Variants in SIK2 observed in about 807,000 individuals in gnomAD.
SIK2 encodes the protein serine/threonine-protein kinase SIK2.
SIK2 carries 29 observed loss-of-function variants against 103.2 expected under a neutral mutation model. The observed-to-expected ratio is 0.28, with a 90% CI of 0.21 to 0.38. The LOEUF (loss-of-function observed/expected upper bound fraction) is 0.38. Ranked by LOEUF, SIK2 falls within the 10% of genes least tolerant of loss-of-function variation. SIK2 has a pLI of 1.00. For synonymous variants in SIK2, 412 were observed against 446.1 expected (o/e 0.92, Z 0.96); for missense variants, 879 against 1,171.0 (o/e 0.75, Z 3.64).
Position 111,727,419 on chromosome 11 carries a change from G to A in SIK2, c.*3290G>A, listed in dbSNP as rs1944009298. 1 of 255,138 alleles carries A rather than the reference G, an allele frequency of 3.9e-6. No individual in the cohort carries two copies. The highest frequency in any genetic ancestry group is 7.6e-6 in the Non-Finnish European group (1 of 131,276). 15.8% of individuals were successfully genotyped at this position (255,138 alleles called of 1,614,324 possible). ...AACCGTATGCTGGAGTCAGTGGTTG[G>A]GACAGACAGGAGCCCAAGACTGAAG... On this transcript the variant is annotated 3_prime_UTR_variant, in exon 15 of 15. Transcript: ENST00000304987.
rs1290046660 is a variant in SIK2, at chr11:111,706,875, G to A, written c.1101+1736G>A. On this transcript the variant is annotated intron_variant, in intron 8 of 14. Transcript: ENST00000304987. ...CTTGGGAGGCTGAGGCAGGAGAATC[G>A]CTTGAACCTGGGAGGCAGAGGTTGA... Among the ~76,000 whole-genome samples, 4 of 150,024 alleles carry A rather than the reference G, an allele frequency of 2.7e-5. No homozygotes were observed. In the East Asian group the frequency reaches 7.9e-4, roughly 30 times the overall value.
chr11:111,634,488 G>T (rs1489475242), intron 3 of SIK2, among the ~76,000 whole-genome samples: 1 of 151,922 alleles, frequency 6.6e-6, no homozygotes, highest in Non-Finnish European at 1.5e-5. Context: ...CAGCGTCCCA[G>T]GTCAGTATTG....
rs1219629432 is a variant in SIK2 at position 111,720,577 on chromosome 11, A to G, written c.1595A>G (p.Asn532Ser). 9 of 1,613,912 alleles carry G rather than the reference A, an allele frequency of 5.6e-6. No individual in the cohort carries two copies. The highest frequency in any genetic ancestry group is 6.8e-6 in the Non-Finnish European group (8 of 1,180,014). The change falls in exon 11 of 15, where the codon AAC becomes AGC. Residue 532 changes from asparagine to serine, a missense_variant. This residue lies in a region of SIK2 where 222 missense variants were observed against 258.0 expected (regional missense o/e 0.86). Coordinates refer to ENST00000304987, the MANE Select transcript of SIK2 (RefSeq NM_015191.3). The part of the protein sequence containing the change: ...VQRDLNFLED[N>S]PSLKDIMLAN... ...AGGGACCTGAACTTTCTGGAAGACA[A>G]CCCTTCCCTTAAGGACATCATGTTA...
intron 3 of SIK2, among the ~76,000 whole-genome samples, chr11:111,682,208 C>T (rs1942786692): frequency 6.6e-6 from 1 of 152,120 alleles, no homozygotes; most frequent in African/African-American, 2.4e-5. Flanking sequence ...AGATATTAAG[C>T]CTGAATCTAT....
chr11:111,613,726 A>G (rs2135833664), intron 1 of SIK2, among the ~76,000 whole-genome samples: 1 of 152,282 alleles, frequency 6.6e-6, no homozygotes, highest in Middle Eastern at 3.4e-3. Context: ...AACACCACCA[A>G]ACATAATGAA....
intron 4 of SIK2, among the ~76,000 whole-genome samples, chr11:111,694,391 T>C (rs1400338600): frequency 6.6e-6 from 1 of 152,178 alleles, no homozygotes; most frequent in Non-Finnish European, 1.5e-5. Flanking sequence ...GCCTGATTAA[T>C]CTGACCTGTA....
chr11:111,695,470 T>A (rs952455202), intron 4 of SIK2, among the ~76,000 whole-genome samples: 2 of 152,226 alleles, frequency 1.3e-5, no homozygotes, highest in Non-Finnish European at 2.9e-5. Context: ...AATCTCCTAT[T>A]TAAATAAAAA....
In SIK2 at chr11:111,712,262, C is replaced by G. The variant is rs573163507; in HGVS notation, c.1153C>G (p.Leu385Val). The G allele has an allele frequency of 6.2e-7, 1 of 1,614,110 alleles. No individual in the cohort carries two copies. The highest frequency in any genetic ancestry group is 1.3e-5 in the African/African-American group (1 of 74,936). ...CATGCATTCACCGAACATGAGGCTG[C>G]TGCGATCTGCCCTCCTCCCCCAGGC... ...VTMHSPNMRL[L>V]RSALLPQASN... Residue 385 changes from leucine to valine, a missense_variant, in exon 9 of 15, where the codon CTG (leucine) becomes GTG (valine). Leu to Val is a conservative substitution (Grantham distance 32). Transcript: ENST00000304987.
chr11:111,720,398 C>G, intron 10 of SIK2, 80 bp from the exon 11 acceptor site: 1 of 1,404,036 alleles, frequency 7.1e-7, no homozygotes, highest in Non-Finnish European at 9.6e-7. Flanking sequence ...TGTCAAAACT[C>G]AAGCTGGTTA....
intron 3 of SIK2, among the ~76,000 whole-genome samples, chr11:111,624,872 C>G (rs1359339645): frequency 6.6e-6 from 1 of 151,828 alleles, no homozygotes; most frequent in African/African-American, 2.4e-5. Context: ...TCAGAGAAGG[C>G]CTCGCTGGCA....
intron 3 of SIK2, among the ~76,000 whole-genome samples, chr11:111,658,527 G>A (rs975412731): frequency 6.6e-6 from 1 of 152,170 alleles, no homozygotes; most frequent in Admixed American, 6.5e-5. Context: ...CAAATCACTT[G>A]AGCCTAGGAG....
chr11:111,698,726 GAA>G (rs1943139574), intron 4 of SIK2, among the ~76,000 whole-genome samples: 1 of 152,130 alleles, frequency 6.6e-6, no homozygotes, highest in Non-Finnish European at 1.5e-5. Flanking sequence ...AGAAAAGAAA[GAA>G]AGAAAAACAA....
At chr11:111,659,583 T>C (rs1358729929) in intron 3 of SIK2, among the ~76,000 whole-genome samples, 1 of 151,220 alleles carries the variant, frequency 6.6e-6, no homozygotes, top group Non-Finnish European at 1.5e-5. Flanking sequence ...GCTTCCTCCG[T>C]CGCTTATTCC....
chr11:111,640,820 C>T (rs994954438), intron 3 of SIK2, among the ~76,000 whole-genome samples: 1 of 147,828 alleles, frequency 6.8e-6, no homozygotes, highest in Non-Finnish European at 1.5e-5. Context: ...CTGCAAGCTC[C>T]GCCTCCCGGG....
At chr11:111,709,269 C>T (rs1052586389) in intron 8 of SIK2, among the ~76,000 whole-genome samples, 9 of 152,240 alleles carry the variant, frequency 5.9e-5, no homozygotes, top group African/African-American at 1.9e-4. Flanking sequence ...TAAGGATACC[C>T]GCTGTGTGGG....
At chr11:111,644,414 T>A (rs1157152567) in intron 3 of SIK2, among the ~76,000 whole-genome samples, 1 of 151,904 alleles carries the variant, frequency 6.6e-6, no homozygotes, top group East Asian at 1.9e-4. Flanking sequence ...TTTTTTCAAA[T>A]GTAAAATTTG....
intron 2 of SIK2, among the ~76,000 whole-genome samples, chr11:111,616,694 A>G (rs1941811225): frequency 6.6e-6 from 1 of 151,986 alleles, no homozygotes; most frequent in African/African-American, 2.4e-5. Flanking sequence ...ATATATACAA[A>G]TATTAGCCTG....
At chr11:111,674,154 G>A (rs556589403) in intron 3 of SIK2, among the ~76,000 whole-genome samples, 8 of 152,080 alleles carry the variant, frequency 5.3e-5, no homozygotes, top group African/African-American at 1.9e-4. Flanking sequence ...AGACTAAGGT[G>A]ATGGCCCAGG....
chr11:111,626,655 G>T (rs1186232338), intron 3 of SIK2, among the ~76,000 whole-genome samples: 1 of 148,704 alleles, frequency 6.7e-6, no homozygotes, highest in African/African-American at 2.5e-5. Flanking sequence ...AATCACAAAC[G>T]TAATCATGTT....
Sources: gnomAD v4.1 joint callset for allele counts (sites outside exome capture counted in the v4.1 genomes callset) on GRCh38, gnomAD v4.1.1 for gene constraint, gnomAD v4.1.1 regional missense constraint, MANE v1.5 for transcripts, NCBI Gene and HGNC (gene_info 2026-07-23, HGNC 2026-07-21) for gene names.